The following ATP10B variants were observed in gnomAD, a reference collection of about 807,000 sequenced individuals.
ATP10B encodes ATPase phospholipid transporting 10B (putative).
A neutral mutation model predicts 141.2 loss-of-function variants in ATP10B; 122 were observed. The observed-to-expected ratio is 0.86, with a 90% CI of 0.75 to 1.00. ATP10B has a LOEUF of 1.00. Among genes scored for constraint, ATP10B ranks in the 50% least tolerant of loss-of-function variants. ATP10B has a pLI of 0.00. For missense variants in ATP10B, 1,876 were observed against 1,825.3 expected, an observed-to-expected ratio of 1.03 and a Z score of -0.51; for synonymous variants, 685 against 692.0, an observed-to-expected ratio of 0.99 and a Z score of 0.16.
rs77379737 is a variant in ATP10B, at chr5:160,781,891, G to T, written c.-331+3668C>A. 7.6e-3 allele frequency among the ~76,000 whole-genome samples: 1,150 copies of T among 152,284 alleles called. 16 individuals are homozygous for T. Among genetic ancestry groups the T allele is most frequent in the African/African-American group, 0.026 (1,089 of 41,564 alleles). On this transcript the variant is annotated intron_variant, in intron 2 of 25. Coordinates refer to ENST00000327245, the MANE Select transcript of ATP10B (RefSeq NM_025153.3). ...TTAAAGATAAACTCTTGACTGACAA[G>T]GATGGTCCATTTACTACAACCTGCT...
intron 2 of ATP10B, among the ~76,000 whole-genome samples, chr5:160,735,084 G>A (rs1767014424): frequency 6.7e-6 from 1 of 149,198 alleles, no homozygotes; most frequent in Non-Finnish European, 1.5e-5. Flanking sequence ...AAAGAAAGTA[G>A]GAAGAGAAGA....
intron 18 of ATP10B, among the ~76,000 whole-genome samples, chr5:160,611,228 G>C (rs1757702608): frequency 6.6e-6 from 1 of 152,150 alleles, no homozygotes; most frequent in Non-Finnish European, 1.5e-5. Flanking sequence ...GTGGAGTATG[G>C]CTGACTGTTC....
intron 3 of ATP10B, among the ~76,000 whole-genome samples, chr5:160,715,218 T>C (rs1295473824): frequency 2.6e-3 from 343 of 132,046 alleles, no homozygotes; most frequent in African/African-American, 8.8e-3. Context: ...CCCAGCCTCG[T>C]TGCTGCCTTG....
At position 160,616,045 on chromosome 5, in the gene ATP10B, T is replaced by C. The variant is rs1757977376; in HGVS notation, c.2527-81A>G. The C allele has an allele frequency of 2.0e-6, 3 of 1,507,998 alleles. No individual in the cohort carries two copies. The Admixed American group carries it at 5.7e-5, about 29-fold the overall frequency. 93.4% of individuals were successfully genotyped at this position (1,507,998 alleles called of 1,614,324 possible). A position where few individuals can be genotyped will look rare whatever the true frequency, so the allele number is the denominator to read the frequency against. On this transcript the variant is annotated intron_variant, in intron 16 of 25. Transcript: ENST00000327245. ...CCTCTCTCTTCCCACCTGCTGGGTC[T>C]CCTATTGGCCTGTTTGAACTTCCCT...
chr5:160,740,192 G>T (rs1300637369), intron 2 of ATP10B, among the ~76,000 whole-genome samples: 2 of 152,016 alleles, frequency 1.3e-5, no homozygotes, highest in South Asian at 2.1e-4. Context: ...AACTATCTGG[G>T]GTTGTGAAAA....
intron 2 of ATP10B, among the ~76,000 whole-genome samples, chr5:160,753,852 T>C (rs907530988): frequency 9.2e-5 from 14 of 152,162 alleles, no homozygotes; most frequent in Non-Finnish European, 1.8e-4. Flanking sequence ...AGGCACAGAG[T>C]GTTACAAAAT....
At chr5:160,771,091 G>A (rs897650896) in intron 2 of ATP10B, among the ~76,000 whole-genome samples, 1 of 152,164 alleles carries the variant, frequency 6.6e-6, no homozygotes, top group African/African-American at 2.4e-5. Context: ...ACACACCTTC[G>A]ATTATATCAC....
intron 2 of ATP10B, among the ~76,000 whole-genome samples, chr5:160,743,928 T>C (rs76198070): frequency 0.027 from 4,086 of 152,132 alleles, 164 homozygotes; most frequent in African/African-American, 0.089. Flanking sequence ...CATCCTATAA[T>C]ACCCAGGGCA....
At chr5:160,784,768 C>T (rs1561850471) in intron 2 of ATP10B, among the ~76,000 whole-genome samples, 1 of 152,046 alleles carries the variant, frequency 6.6e-6, no homozygotes, top group East Asian at 1.9e-4. Context: ...AACTTGAGTA[C>T]CTTTATAAGC....
chr5:160,872,112 G>A, the ATP10B span, among the ~76,000 whole-genome samples: 1 of 152,050 alleles, frequency 6.6e-6, no homozygotes, highest in Non-Finnish European at 1.5e-5. Context: ...GCATCACATT[G>A]TGATTTTGGT....
chr5:160,640,541 C>T lies in ATP10B; in HGVS notation c.920G>A (p.Ser307Asn), dbSNP rs1759763803. ...LNNSGPRYKR[S>N]KIERRMNIDI... Reference sequence around the variant, plus strand: ...TATATTCATGCGCCGCTCAATCTTGCTGCGTTTGTACCGGGGGCCACTGTT... The same window carrying T: ...TATATTCATGCGCCGCTCAATCTTGTTGCGTTTGTACCGGGGGCCACTGTT... The change falls in exon 10 of 26, where the codon AGC becomes AAC. Residue 307 changes from serine (S) to asparagine (N), a missense_variant. Coordinates refer to ENST00000327245, the MANE Select transcript of ATP10B (RefSeq NM_025153.3). 1 of 1,614,138 alleles carries T rather than the reference C, an allele frequency of 6.2e-7. No individual in the cohort carries two copies. Among genetic ancestry groups the T allele is most frequent in the East Asian group, 2.2e-5 (1 of 44,880 alleles).
At chr5:160,568,506 G>A (rs905582648) in intron 25 of ATP10B, among the ~76,000 whole-genome samples, 13 of 152,312 alleles carry the variant, frequency 8.5e-5, no homozygotes, top group East Asian at 5.8e-4. Flanking sequence ...GATGTTCAGC[G>A]TGGTGAGATG....
the ATP10B span, among the ~76,000 whole-genome samples, chr5:160,911,407 GAATT>G: frequency 6.6e-6 from 1 of 152,178 alleles, no homozygotes; most frequent in African/African-American, 2.4e-5. Flanking sequence ...TGAGAGAAAA[GAATT>G]AACTCAAATA....
chr5:160,716,946 AC>A lies in ATP10B; in HGVS notation c.-243del, dbSNP rs1206128831. ...TCCCTTTAAGGAGGTTAGACCAGTGACCTTTGCTGTGCCCCTACAGCCACAG... is the reference window on the plus strand; with the variant it reads ...TCCCTTTAAGGAGGTTAGACCAGTGACTTTGCTGTGCCCCTACAGCCACAG... On this transcript the variant is annotated 5_prime_UTR_variant, in exon 3 of 26. Coordinates refer to ENST00000327245, the MANE Select transcript of ATP10B (RefSeq NM_025153.3). 3.0e-6 allele frequency: 3 copies of A among 985,420 alleles called. No homozygotes were observed. The African/African-American group carries it at 5.2e-5, about 17-fold the overall frequency. 61.0% of individuals were successfully genotyped at this position (985,420 alleles called of 1,614,324 possible).
At chr5:160,668,314 C>A (rs1762451928) in intron 7 of ATP10B, among the ~76,000 whole-genome samples, 2 of 150,710 alleles carry the variant, frequency 1.3e-5, no homozygotes, top group Non-Finnish European at 2.9e-5. Context: ...TTCTTACATA[C>A]TCATTCACAC....
At chr5:160,879,537 T>TAAA in the ATP10B span, among the ~76,000 whole-genome samples, 1 of 134,882 alleles carries the variant, frequency 7.4e-6, no homozygotes, top group South Asian at 2.4e-4. Context: ...AAAGTAAAAT[T>TAAA]AAAAAAAAAA....
intron 22 of ATP10B, among the ~76,000 whole-genome samples, chr5:160,596,834 A>G (rs1756729216): frequency 6.6e-6 from 1 of 152,230 alleles, no homozygotes. Context: ...TCCAACTTAC[A>G]AGGGACGTGA....
chr5:160,667,211 C>T (rs183117572), intron 7 of ATP10B, among the ~76,000 whole-genome samples: 1 of 152,184 alleles, frequency 6.6e-6, no homozygotes, highest in East Asian at 1.9e-4. Context: ...GAGCAAGACT[C>T]TGTCTCAAAA....
chr5:160,734,302 A>G (rs1766958638), intron 2 of ATP10B, among the ~76,000 whole-genome samples: 2 of 152,126 alleles, frequency 1.3e-5, no homozygotes, highest in African/African-American at 4.8e-5. Context: ...GAGCACTAGA[A>G]GTGGTAAATA....
Sources: gnomAD v4.1 joint callset for allele counts (sites outside exome capture counted in the v4.1 genomes callset) on GRCh38, gnomAD v4.1.1 for gene constraint, MANE v1.5 for transcripts, NCBI Gene and HGNC (gene_info 2026-07-23, HGNC 2026-07-21) for gene names.